LCOR: variants seen among roughly 807,000 people sequenced by gnomAD.
LCOR encodes the protein ligand-dependent corepressor.
Under a neutral mutation model 64.4 loss-of-function variants are expected in LCOR, and 14 were observed. The observed-to-expected ratio is 0.22, with a 90% CI of 0.14 to 0.34. LCOR has a LOEUF of 0.34. Ranked by LOEUF, LCOR falls within the 10% of genes least tolerant of loss-of-function variation. The pLI is 1.00. For synonymous variants in LCOR, 643 were observed against 642.5 expected (o/e 1.00, Z -0.01); for missense variants, 1,686 against 1,765.3 (o/e 0.96, Z 0.80).
intron 7 of LCOR, among the ~76,000 whole-genome samples, chr10:96,953,201 G>A (rs188893142): frequency 5.3e-5 from 8 of 151,654 alleles, no homozygotes; most frequent in Admixed American, 5.3e-4. Flanking sequence ...TTTCACTATG[G>A]TTTATACTAG....
intron 4 of LCOR, among the ~76,000 whole-genome samples, chr10:96,929,172 C>G (rs1056323856): frequency 6.6e-6 from 1 of 152,236 alleles, no homozygotes; most frequent in Non-Finnish European, 1.5e-5. Flanking sequence ...TCTCATCAAC[C>G]TGTTCTTGAA....
Position 96,985,012 on chromosome 10 carries a change from G to A in LCOR, c.4552G>A (p.Gly1518Arg), listed in dbSNP as rs373631781. 3 of 1,614,054 alleles carry A rather than the reference G, an allele frequency of 1.9e-6. No homozygotes were observed. The highest frequency in any genetic ancestry group is 2.5e-6 in the Non-Finnish European group (3 of 1,180,052). ...QKATNRKQSS[G>R]KTRARPSTKT... The stretch of plus-strand genomic sequence containing the variant: ...AGCCACGAATAGGAAGCAGAGTAGT[G>A]GAAAGACTCGGGCCAGACCCTCAAC... Residue 1518 changes from glycine (G) to arginine (R), a missense_variant, in exon 8 of 8, where the codon GGA (glycine) becomes AGA (arginine). This residue lies in a region of LCOR where 1,293 missense variants were observed against 1,410.4 expected (regional missense o/e 0.92). Coordinates refer to ENST00000421806, the MANE Select transcript of LCOR (RefSeq NM_001346516.2).
chr10:96,865,013 GAA>G (rs1453239509), intron 2 of LCOR, among the ~76,000 whole-genome samples: 2 of 152,166 alleles, frequency 1.3e-5, no homozygotes, highest in African/African-American at 2.4e-5. Flanking sequence ...TCTGAGAAAA[GAA>G]AATTTAATTT....
At chr10:96,897,855 C>T (rs1347505460) in intron 2 of LCOR, among the ~76,000 whole-genome samples, 1 of 148,416 alleles carries the variant, frequency 6.7e-6, no homozygotes. Context: ...TGAGCTGGAG[C>T]AGAAAGCCAT....
At chr10:96,924,388 T>C (rs915684844) in intron 4 of LCOR, among the ~76,000 whole-genome samples, 26 of 151,736 alleles carry the variant, frequency 1.7e-4, no homozygotes, top group African/African-American at 5.8e-4. Context: ...TGTTTGTTTG[T>C]TTGTTTGTTT....
chr10:96,837,179 A>AC (rs1179151970), intron 2 of LCOR, among the ~76,000 whole-genome samples: 2 of 152,026 alleles, frequency 1.3e-5, no homozygotes, highest in Non-Finnish European at 2.9e-5. Flanking sequence ...TTTAGTAGAG[A>AC]CGGGGTTTCA....
rs137860807 is a variant in LCOR, at chr10:96,877,246, A to G, written c.-329-30019A>G. 6.6e-3 allele frequency among the ~76,000 whole-genome samples: 1,007 copies of G among 152,186 alleles called. 12 individuals are homozygous for G. Among genetic ancestry groups the G allele is most frequent in the African/African-American group, 0.023 (948 of 41,542 alleles). On this transcript the variant is annotated intron_variant, in intron 2 of 7. Transcript: ENST00000421806. Reference sequence around the variant, plus strand: ...CATAATGATGCTTTAAAAATAGGCCAGGTGCGGTGGCTCATGCCTGTAATT... The same window carrying G: ...CATAATGATGCTTTAAAAATAGGCCGGGTGCGGTGGCTCATGCCTGTAATT...
intron 2 of LCOR, among the ~76,000 whole-genome samples, chr10:96,848,027 G>A (rs551569485): frequency 1.3e-5 from 2 of 152,262 alleles, no homozygotes; most frequent in East Asian, 3.9e-4. Flanking sequence ...ATATTACTCA[G>A]TATAAATTAT....
chr10:96,885,593 T>C (rs1846329921), intron 2 of LCOR, among the ~76,000 whole-genome samples: 1 of 147,952 alleles, frequency 6.8e-6, no homozygotes, highest in Admixed American at 6.8e-5. Flanking sequence ...AGTCAAGGTC[T>C]TGCTGTGTTG....
rs529890452 is a variant in LCOR, at chr10:96,892,912, A to T, written c.-329-14353A>T. On this transcript the variant is annotated intron_variant, in intron 2 of 7. Transcript: ENST00000421806. Reference sequence around the variant, plus strand: ...TCTCTGCCTATTAATTGGAGGCTTTACTCCATTTACATGTAATATAATTGC... The same window carrying T: ...TCTCTGCCTATTAATTGGAGGCTTTTCTCCATTTACATGTAATATAATTGC... 2.6e-5 allele frequency among the ~76,000 whole-genome samples: 4 copies of T among 152,146 alleles called. No individual in the cohort carries two copies. The South Asian group carries it at 8.3e-4, about 32-fold the overall frequency.
At chr10:96,875,653 G>A (rs976786968) in intron 2 of LCOR, among the ~76,000 whole-genome samples, 3 of 152,094 alleles carry the variant, frequency 2.0e-5, no homozygotes, top group African/African-American at 4.8e-5. Context: ...TTTGAGCTCA[G>A]GAGTTAGAGA....
At chr10:96,845,290 G>A (rs1189464253) in intron 2 of LCOR, among the ~76,000 whole-genome samples, 1 of 151,634 alleles carries the variant, frequency 6.6e-6, no homozygotes, top group African/African-American at 2.4e-5. Flanking sequence ...AAAAAATGAG[G>A]GGAACGTCGG....
rs1170504435 is a variant in LCOR at position 96,980,866 on chromosome 10, A to C, written c.406A>C (p.Lys136Gln). 3 of 703,022 alleles carry C rather than the reference A, an allele frequency of 4.3e-6. No individual in the cohort carries two copies. Among genetic ancestry groups the C allele is most frequent in the South Asian group, 3.0e-5 (2 of 67,606 alleles). The allele number at this position is 703,022 out of a possible 1,614,324, so 43.5% of individuals were successfully genotyped here. A position where few individuals can be genotyped will look rare whatever the true frequency, so the allele number is the denominator to read the frequency against. Residue 136 changes from lysine (K) to glutamine (Q), a missense_variant, in exon 8 of 8, where the codon AAA becomes CAA. Transcript: ENST00000421806. Reference protein sequence around the residue: ...SKSPLEKFMVKLCTHHQKQFI... With the variant: ...SKSPLEKFMVQLCTHHQKQFI... Reference sequence around the variant, plus strand: ...GTCCCCACTGGAGAAATTTATGGTCAAACTGTGTACTCATCATCAAAAGCA... The same window carrying C: ...GTCCCCACTGGAGAAATTTATGGTCCAACTGTGTACTCATCATCAAAAGCA...
chr10:96,976,632 C>T (rs1848042755), intron 7 of LCOR, among the ~76,000 whole-genome samples: 1 of 152,192 alleles, frequency 6.6e-6, no homozygotes, highest in Non-Finnish European at 1.5e-5. Flanking sequence ...AAACATGGGA[C>T]AGCAGCAGAT....
chr10:96,941,708 T>G, intron 4 of LCOR, among the ~76,000 whole-genome samples: 1 of 139,818 alleles, frequency 7.2e-6, no homozygotes, highest in Non-Finnish European at 1.6e-5. Flanking sequence ...AGGCAGAGGG[T>G]TTCCTCACTT....
chr10:96,976,148 G>A (rs139668655), intron 7 of LCOR, among the ~76,000 whole-genome samples: 55 of 152,250 alleles, frequency 3.6e-4, no homozygotes, highest in African/African-American at 1.1e-3. Context: ...GCTCTTACAC[G>A]TTGTCCCTGA....
At chr10:96,893,403 T>C (rs768300516) in intron 2 of LCOR, among the ~76,000 whole-genome samples, 6 of 152,176 alleles carry the variant, frequency 3.9e-5, no homozygotes, top group Non-Finnish European at 7.3e-5. Flanking sequence ...TCTAAATAAT[T>C]TACAAATACT....
chr10:96,954,815 T>A (rs1847739090), intron 7 of LCOR: 2 of 555,380 alleles, frequency 3.6e-6, no homozygotes, highest in Non-Finnish European at 5.9e-6. Flanking sequence ...ATTTTTTTTT[T>A]AATTTTAGAG....
At chr10:96,957,297 C>G (rs1346655447) in intron 7 of LCOR, 11 of 984,920 alleles carry the variant, frequency 1.1e-5, no homozygotes, top group Non-Finnish European at 1.3e-5. Flanking sequence ...GCACACAGTT[C>G]AGGACCTTTG....
Sources: allele counts gnomAD v4.1 joint callset (sites outside exome capture counted in the v4.1 genomes callset), GRCh38; gene constraint gnomAD v4.1.1; regional missense constraint gnomAD v4.1.1; transcripts MANE v1.5; gene names NCBI Gene and HGNC (gene_info 2026-07-23, HGNC 2026-07-21).